The following TACC1 variants were observed in gnomAD, a reference collection of about 807,000 sequenced individuals.
TACC1 encodes the protein transforming acidic coiled-coil containing protein 1.
In TACC1, 48 loss-of-function variants were observed where a neutral mutation model predicts 84.4. That is an observed-to-expected ratio of 0.57 (90% CI 0.45 to 0.72). The LOEUF (loss-of-function observed/expected upper bound fraction) is 0.72. Among genes scored for constraint, TACC1 ranks in the 30% least tolerant of loss-of-function variants. TACC1 has a pLI of 0.00. For missense variants in TACC1, 920 were observed against 973.0 expected, an observed-to-expected ratio of 0.95 and a Z score of 0.72; for synonymous variants, 372 against 376.3, an observed-to-expected ratio of 0.99 and a Z score of 0.13.
At chr8:38,770,182 G>A (rs1269524853) in intron 3 of TACC1, among the ~76,000 whole-genome samples, 1 of 151,976 alleles carries the variant, frequency 6.6e-6, no homozygotes, top group Admixed American at 6.5e-5. Flanking sequence ...AGGAGCCCGC[G>A]GCTTCCCTGC....
intron 2 of TACC1, among the ~76,000 whole-genome samples, chr8:38,795,868 T>C (rs539565207): frequency 7.2e-5 from 11 of 152,334 alleles, no homozygotes; most frequent in South Asian, 6.2e-4. Flanking sequence ...AGGGTTTAGA[T>C]TGATGATGGC....
chr8:38,797,518 A>G (rs897507713), intron 2 of TACC1, among the ~76,000 whole-genome samples: 10 of 152,264 alleles, frequency 6.6e-5, no homozygotes, highest in Admixed American at 2.0e-4. Context: ...ATAGCCGCCT[A>G]TTGGCTTGTG....
At chr8:38,815,522 C>T (rs149184046) in intron 2 of TACC1, among the ~76,000 whole-genome samples, 2,200 of 152,120 alleles carry the variant, frequency 0.014, 57 homozygotes, top group African/African-American at 0.05. Context: ...CAGGTTCAAG[C>T]GATTCTCCTG....
chr8:38,792,566 C>T (rs1033912388), intron 2 of TACC1, among the ~76,000 whole-genome samples: 23 of 152,056 alleles, frequency 1.5e-4, no homozygotes, highest in African/African-American at 4.1e-4. Flanking sequence ...CCTGGGTTCA[C>T]GCCATTCTTC....
At chr8:38,754,058 A>T in intron 3 of TACC1, among the ~76,000 whole-genome samples, 1 of 149,362 alleles carries the variant, frequency 6.7e-6, no homozygotes, top group Non-Finnish European at 1.5e-5. Flanking sequence ...GGTTCAAGCG[A>T]TTTTCATGTC....
At chr8:38,763,975 A>T (rs7817501) in intron 3 of TACC1, among the ~76,000 whole-genome samples, 1 of 152,176 alleles carries the variant, frequency 6.6e-6, no homozygotes, top group Non-Finnish European at 1.5e-5. Context: ...CAAGATTCTA[A>T]AAGTTGCTAC....
At chr8:38,795,737 C>T (rs761660686) in intron 2 of TACC1, among the ~76,000 whole-genome samples, 1 of 152,156 alleles carries the variant, frequency 6.6e-6, no homozygotes, top group Non-Finnish European at 1.5e-5. Context: ...GCTAAATTGC[C>T]TGGTGACTAT....
chr8:38,807,462 A>T (rs538980208), intron 2 of TACC1, among the ~76,000 whole-genome samples: 29 of 152,196 alleles, frequency 1.9e-4, no homozygotes, highest in South Asian at 6.2e-4. Context: ...TCTAAAGGAG[A>T]GGAAGTGGTG....
chr8:38,728,762 T>G (rs1443396779), intron 1 of TACC1: 1 of 152,284 alleles, frequency 6.6e-6, no homozygotes, highest in African/African-American at 2.4e-5. Context: ...GCTGAGGTGT[T>G]TCCCTCGCTT....
chr8:38,782,776 C>G (rs558901796), upstream of TACC1, among the ~76,000 whole-genome samples: 1 of 152,182 alleles, frequency 6.6e-6, no homozygotes, highest in South Asian at 2.1e-4. Context: ...TTAAGTGGAG[C>G]TTTGTGTTTG....
chr8:38,792,932 A>C (rs1819074124), intron 2 of TACC1, among the ~76,000 whole-genome samples: 1 of 152,094 alleles, frequency 6.6e-6, no homozygotes, highest in African/African-American at 2.4e-5. Flanking sequence ...TGGAGGACTT[A>C]GGGGTTGTGG....
At chr8:38,782,097 G>A (rs1816121258) in intron 3 of TACC1, among the ~76,000 whole-genome samples, 1 of 150,432 alleles carries the variant, frequency 6.6e-6, no homozygotes. Flanking sequence ...GTATACATGT[G>A]CCATGCTGGT....
rs895443868 is a variant in TACC1, at chr8:38,754,700, T to C, written c.26+9207T>C. On this transcript the variant is annotated intron_variant, in intron 3 of 14. Coordinates refer to the TACC1 transcript ENST00000518415. Reference sequence around the variant, plus strand: ...CTTTTCTTTAGCTATTTGAAATTCTTCATAAAAGAATCTCAATTCCAGCCT... The same window carrying C: ...CTTTTCTTTAGCTATTTGAAATTCTCCATAAAAGAATCTCAATTCCAGCCT... Among the ~76,000 whole-genome samples, 6 of 152,270 alleles carry C rather than the reference T, an allele frequency of 3.9e-5. No individual in the cohort carries two copies. The South Asian group carries it at 1.2e-3, about 31-fold the overall frequency.
chr8:38,811,684 T>C (rs906230305), intron 2 of TACC1, among the ~76,000 whole-genome samples: 20 of 152,356 alleles, frequency 1.3e-4, no homozygotes, highest in African/African-American at 4.3e-4. Flanking sequence ...AAGCTGAGGA[T>C]GTATATCACG....
At chr8:38,844,700 C>T (rs1588159398) in intron 11 of TACC1, among the ~76,000 whole-genome samples, 2 of 152,202 alleles carry the variant, frequency 1.3e-5, no homozygotes, top group South Asian at 4.1e-4. Context: ...TCTTTTGCGT[C>T]CACCTATAGT....
intron 2 of TACC1, among the ~76,000 whole-genome samples, chr8:38,790,415 G>A (rs760658541): frequency 3.0e-4 from 45 of 152,346 alleles, no homozygotes; most frequent in Non-Finnish European, 5.9e-4. Context: ...CCACAACAGA[G>A]AGCTTTGAAC....
chr8:38,823,650 C>CT (rs1163595521), intron 3 of TACC1, among the ~76,000 whole-genome samples: 6 of 152,180 alleles, frequency 3.9e-5, no homozygotes, highest in Non-Finnish European at 8.8e-5. Flanking sequence ...CTTAATAGGG[C>CT]TTTTTTTAAG....
At chr8:38,757,314 C>T (rs1374035230) in intron 3 of TACC1, 3 of 1,266,294 alleles carry the variant, frequency 2.4e-6, no homozygotes, top group East Asian at 6.9e-5. Context: ...GGTGCAGCCC[C>T]GGCCCCAAGT....
At chr8:38,793,714 T>C (rs2152028266) in intron 2 of TACC1, among the ~76,000 whole-genome samples, 1 of 152,300 alleles carries the variant, frequency 6.6e-6, no homozygotes, top group Middle Eastern at 3.4e-3. Flanking sequence ...CCCAAAATGC[T>C]GGGATTTCAG....
Sources: allele counts gnomAD v4.1 joint callset (sites outside exome capture counted in the v4.1 genomes callset), GRCh38; gene constraint gnomAD v4.1.1; transcripts MANE v1.5; gene names NCBI Gene and HGNC (gene_info 2026-07-23, HGNC 2026-07-21).